The following PPP3CB variants were observed in gnomAD, a reference collection of about 807,000 sequenced individuals.
PPP3CB encodes protein phosphatase 3 catalytic subunit beta, also known as serine/threonine-protein phosphatase 2B catalytic subunit beta isoform.
In PPP3CB, 8 loss-of-function variants were observed where a neutral mutation model predicts 66.4. The observed-to-expected ratio is 0.12, with a 90% CI of 0.07 to 0.22. The LOEUF (loss-of-function observed/expected upper bound fraction) is 0.22, where lower values mean the gene tolerates loss of function less well. PPP3CB is among the 10% of genes least tolerant of loss of function. PPP3CB has a pLI of 1.00. For missense variants in PPP3CB, 319 were observed against 642.5 expected, an observed-to-expected ratio of 0.50 and a Z score of 5.44; for synonymous variants, 208 against 221.2, an observed-to-expected ratio of 0.94 and a Z score of 0.53.
At chr10:73,462,150 T>C (rs1254790963) in intron 9 of PPP3CB, among the ~76,000 whole-genome samples, 2 of 140,854 alleles carry the variant, frequency 1.4e-5, no homozygotes, top group African/African-American at 2.6e-5. Context: ...CTTTTTTTTT[T>C]TTTTTTTTTT....
intron 4 of PPP3CB, among the ~76,000 whole-genome samples, chr10:73,474,047 AT>A (rs938834377): frequency 1.6e-4 from 24 of 151,424 alleles, no homozygotes; most frequent in Admixed American, 1.2e-3. Flanking sequence ...AAATATATAC[AT>A]TTTTTTTTCC....
At chr10:73,481,503 G>A (rs1233903731) in intron 1 of PPP3CB, among the ~76,000 whole-genome samples, 1 of 150,528 alleles carries the variant, frequency 6.6e-6, no homozygotes, top group East Asian at 1.9e-4. Context: ...ATATATCTCT[G>A]AGCATATAGT....
intron 12 of PPP3CB, among the ~76,000 whole-genome samples, chr10:73,443,254 G>GAGAGAGAGAGAA (rs2056182559): frequency 8.2e-6 from 1 of 122,486 alleles, no homozygotes; most frequent in Admixed American, 8.3e-5. Flanking sequence ...GAGAGAAAGA[G>GAGAGAGAGAGAA]AGAGAGAGAG....
intron 1 of PPP3CB, among the ~76,000 whole-genome samples, chr10:73,484,003 G>A (rs910260572): frequency 2.0e-5 from 3 of 151,710 alleles, no homozygotes; most frequent in Non-Finnish European, 2.9e-5. Context: ...AATTAGCCAG[G>A]TGTGGTGTCG....
rs189508079 is a variant in PPP3CB, at chr10:73,494,914, G to A, written c.85+891C>T. ...TTTCACCTCCACAGCAGTGTTTGAG[G>A]TTGGTAGGCTCTCCCAGGAAGCTTG... On this transcript the variant is annotated intron_variant, in intron 1 of 13. Transcript: ENST00000360663. Among the ~76,000 whole-genome samples, 160 of 152,318 alleles carry A rather than the reference G, an allele frequency of 1.1e-3. 1 individual carries two copies. In the Middle Eastern group the frequency reaches 0.017, roughly 16 times the overall value.
chr10:73,472,317 G>C (rs2056714643), intron 4 of PPP3CB, among the ~76,000 whole-genome samples: 1 of 151,946 alleles, frequency 6.6e-6, no homozygotes, highest in Non-Finnish European at 1.5e-5. Context: ...CAACATGGCA[G>C]AACACTGTCT....
At position 73,493,275 on chromosome 10, in the gene PPP3CB, C is replaced by CA. The variant is rs544990577; in HGVS notation, c.85+2529dup. The stretch of plus-strand genomic sequence containing the variant: ...GGGCAACAAGAGTGAAACTCCGTCT[C>CA]AAAAAAAAAAAAAAAATTCCAGGGA... On this transcript the variant is annotated intron_variant, in intron 1 of 13. Coordinates refer to ENST00000360663, the MANE Select transcript of PPP3CB (RefSeq NM_021132.4). Among the ~76,000 whole-genome samples the CA allele has an allele frequency of 8.9e-3, 943 of 105,760 alleles. 3 individuals are homozygous for CA. Among genetic ancestry groups the CA allele is most frequent in the African/African-American group, 0.014 (403 of 28,464 alleles). The allele number at this position is 105,760 out of a possible 152,430, so 69.4% of individuals were successfully genotyped here.
intron 5 of PPP3CB, 101 bp from the exon 6 acceptor site, chr10:73,471,310 T>C (rs779577469): frequency 1.5e-4 from 199 of 1,369,908 alleles, no homozygotes; most frequent in Middle Eastern, 6.5e-4. Context: ...GTTCATACTA[T>C]ATTATTGTGA....
intron 3 of PPP3CB, among the ~76,000 whole-genome samples, chr10:73,477,470 T>C (rs577870416): frequency 6.8e-4 from 103 of 152,366 alleles, no homozygotes; most frequent in African/African-American, 2.3e-3. Context: ...CGAGTTTATA[T>C]TTACTGACTT....
intron 1 of PPP3CB, among the ~76,000 whole-genome samples, chr10:73,486,040 G>T (rs190342394): frequency 1.3e-5 from 2 of 151,866 alleles, no homozygotes; most frequent in African/African-American, 2.4e-5. Flanking sequence ...CTGCCTCCCA[G>T]GTTCAAGCGA....
intron 9 of PPP3CB, among the ~76,000 whole-genome samples, chr10:73,462,761 C>A (rs992360614): frequency 3.3e-5 from 5 of 151,578 alleles, no homozygotes; most frequent in African/African-American, 9.7e-5. Context: ...AGCAGCCTGG[C>A]CAACATGGCG....
chr10:73,444,586 GTACC>G (rs755858328), intron 12 of PPP3CB, 135 bp downstream of exon 12: 19 of 1,552,142 alleles, frequency 1.2e-5, no homozygotes, highest in Admixed American at 2.0e-5. Context: ...AGCTAATACA[GTACC>G]CTGTCTAGGT....
intron 13 of PPP3CB, among the ~76,000 whole-genome samples, chr10:73,439,037 G>A (rs776141037): frequency 2.6e-5 from 4 of 152,232 alleles, no homozygotes; most frequent in Middle Eastern, 3.4e-3. Flanking sequence ...TTATAATCTC[G>A]TAATTTAGAA....
In PPP3CB at chr10:73,495,500, C is replaced by A. The variant is rs562631254; in HGVS notation, c.85+305G>T. Reference sequence around the variant, plus strand: ...GGCAGGAAGCTAATCGCGGCCCCTGCGCCGCTTTGACAGGCCGAGTGAAGA... The same window carrying A: ...GGCAGGAAGCTAATCGCGGCCCCTGAGCCGCTTTGACAGGCCGAGTGAAGA... On this transcript the variant is annotated intron_variant, in intron 1 of 13. Transcript: ENST00000360663. 19 of 197,790 alleles carry A rather than the reference C, an allele frequency of 9.6e-5. No individual in the cohort carries two copies. In the South Asian group the frequency reaches 1.7e-3, roughly 18 times the overall value. 12.3% of individuals were successfully genotyped at this position (197,790 alleles called of 1,614,324 possible).
intron 10 of PPP3CB, among the ~76,000 whole-genome samples, chr10:73,450,662 A>C (rs2056329583): frequency 6.6e-6 from 1 of 152,210 alleles, no homozygotes; most frequent in Non-Finnish European, 1.5e-5. Context: ...CAAAGCTGGA[A>C]CTCAGTGTAT....
chr10:73,450,348 G>A (rs913523756), intron 10 of PPP3CB, among the ~76,000 whole-genome samples: 5 of 152,128 alleles, frequency 3.3e-5, no homozygotes, highest in Non-Finnish European at 5.9e-5. Context: ...AAAGATGGAG[G>A]GAGTTAGAGG....
rs2056077215 is a variant in PPP3CB, at chr10:73,436,684, TACCATGAACTATCCACGAG to T, written c.*1539_*1557del. ...TTATAAAGAATTTAATTAATCAAAT[TACCATGAACTATCCACGAG>T]ATAATCTCCGGAGGACATCCCAGCT... On this transcript the variant is annotated 3_prime_UTR_variant, in exon 14 of 14. Transcript: ENST00000360663. 1.3e-5 allele frequency: 2 copies of T among 152,146 alleles called. No individual in the cohort carries two copies. The highest frequency in any genetic ancestry group is 4.1e-4 in the South Asian group (2 of 4,830). The allele number at this position is 152,146 out of a possible 1,614,324, so 9.4% of individuals were successfully genotyped here.
chr10:73,466,077 C>A (rs147511225), intron 9 of PPP3CB, among the ~76,000 whole-genome samples: 237 of 152,192 alleles, frequency 1.6e-3, no homozygotes, highest in African/African-American at 5.4e-3. Flanking sequence ...CTGATAAAAG[C>A]CTACTGTTCT....
At chr10:73,439,811 A>G (rs2056117579) in intron 13 of PPP3CB, 61 bp downstream of exon 13, 2 of 1,553,666 alleles carry the variant, frequency 1.3e-6, no homozygotes, top group Non-Finnish European at 1.8e-6. Flanking sequence ...CCCACAGGAC[A>G]TTCTCTGATG....
Sources: allele counts gnomAD v4.1 joint callset (sites outside exome capture counted in the v4.1 genomes callset), GRCh38; gene constraint gnomAD v4.1.1; transcripts MANE v1.5; gene names NCBI Gene and HGNC (gene_info 2026-07-23, HGNC 2026-07-21).